Variants in ZFYVE16 observed in about 807,000 individuals in gnomAD.
The protein encoded by ZFYVE16 is zinc finger FYVE-type containing 16.
ZFYVE16 carries 89 observed loss-of-function variants against 138.1 expected under a neutral mutation model. The ratio of observed to expected loss-of-function variants is 0.64; its 90% CI spans 0.54 to 0.77. The LOEUF (loss-of-function observed/expected upper bound fraction) is 0.77, where lower values mean the gene tolerates loss of function less well. ZFYVE16 is among the 30% of genes least tolerant of loss of function. The pLI is 0.00. For missense variants in ZFYVE16, 1,793 were observed against 1,786.7 expected (o/e 1.00, Z -0.06); for synonymous variants, 596 against 618.3 (o/e 0.96, Z 0.53).
intron 17 of ZFYVE16, 41 bp downstream of exon 17, chr5:80,473,900 T>C: frequency 6.0e-6 from 9 of 1,509,316 alleles, no homozygotes; most frequent in Non-Finnish European, 8.2e-6. Context: ...TGTGTTTCAA[T>C]ATGATTTTTG....
intron 14 of ZFYVE16, among the ~76,000 whole-genome samples, chr5:80,458,635 A>T (rs1479350784): frequency 1.3e-5 from 2 of 152,200 alleles, no homozygotes; most frequent in Non-Finnish European, 2.9e-5. Context: ...ATTTGTTACC[A>T]ATCCTTAGGG....
chr5:80,468,624 A>T (rs1454829265), intron 15 of ZFYVE16, among the ~76,000 whole-genome samples: 2 of 152,020 alleles, frequency 1.3e-5, no homozygotes, highest in Non-Finnish European at 2.9e-5. Context: ...TGACTTTATG[A>T]TTTTTGGTTT....
At position 80,445,041 on chromosome 5, in the gene ZFYVE16, C is replaced by G. The variant is rs1345574046; in HGVS notation, c.2582-222C>G. Reference sequence around the variant, plus strand: ...CATTCCTTTTCATAGTATATGATTGCCAAGGCCACTCCTGCTCCCTTTGTA... The same window carrying G: ...CATTCCTTTTCATAGTATATGATTGGCAAGGCCACTCCTGCTCCCTTTGTA... On this transcript the variant is annotated intron_variant, in intron 6 of 18. Transcript: ENST00000505560. 2.0e-5 allele frequency among the ~76,000 whole-genome samples: 3 copies of G among 152,034 alleles called. No homozygotes were observed. The South Asian group carries it at 6.2e-4, about 32-fold the overall frequency.
chr5:80,455,844 T>C (rs1229956984), intron 12 of ZFYVE16, 70 bp downstream of exon 12: 1 of 1,281,186 alleles, frequency 7.8e-7, no homozygotes, highest in African/African-American at 1.6e-5. Flanking sequence ...GCAAAGTTTA[T>C]ACATTTATAT....
chr5:80,439,904 C>T (rs1162878829), intron 4 of ZFYVE16, 32 bp from the exon 5 acceptor site: 2 of 1,577,752 alleles, frequency 1.3e-6, no homozygotes, highest in South Asian at 2.3e-5. Flanking sequence ...ATTCTTGAAA[C>T]AAAGACAAAT....
intron 14 of ZFYVE16, among the ~76,000 whole-genome samples, chr5:80,458,802 A>G (rs1327904898): frequency 1.3e-5 from 2 of 152,372 alleles, no homozygotes. Context: ...TTAGGGCTCC[A>G]TAAAAACTGT....
At position 80,448,183 on chromosome 5, in the gene ZFYVE16, C is replaced by T; in HGVS notation, c.2882C>T (p.Thr961Ile). 6.2e-7 allele frequency: 1 copy of T among 1,613,950 alleles called. No homozygotes were observed. The highest frequency in any genetic ancestry group is 8.5e-7 in the Non-Finnish European group (1 of 1,179,944). The change falls in exon 8 of 19, where the codon ACT becomes ATT. Residue 961 changes from threonine (T) to isoleucine (I), a missense_variant. Transcript: ENST00000505560. ...SMNTGNEGLP[T>I]SGSFTLDDDV... ...AACACAGGAAATGAGGGGTTACCTA[C>T]TTCTGGTTCATTTACACTAGATGAT...
Position 80,449,667 on chromosome 5 carries a change from A to G in ZFYVE16, c.3180A>G (p.Thr1060=). ...LLEGESFHPV[T]FVLNANLLVN... ...AAGGTGAAAGCTTTCATCCTGTTACATTTGTCCTAAATGCTAATCTACTCG... is the reference window on the plus strand; with the variant it reads ...AAGGTGAAAGCTTTCATCCTGTTACGTTTGTCCTAAATGCTAATCTACTCG... Residue 1060 remains threonine (T), a synonymous_variant, in exon 9 of 19, where the codon ACA becomes ACG. Coordinates refer to ENST00000505560, the MANE Select transcript of ZFYVE16 (RefSeq NM_001284236.3). 6.2e-7 allele frequency: 1 copy of G among 1,609,842 alleles called. No individual in the cohort carries two copies. Among genetic ancestry groups the G allele is most frequent in the Non-Finnish European group, 8.5e-7 (1 of 1,178,064 alleles).
At chr5:80,413,938 A>G (rs2112150853) in intron 1 of ZFYVE16, among the ~76,000 whole-genome samples, 1 of 152,314 alleles carries the variant, frequency 6.6e-6, no homozygotes, top group Middle Eastern at 3.4e-3. Flanking sequence ...ACCTTTAAAC[A>G]CTGCATTTCA....
In ZFYVE16 at chr5:80,430,391, C is replaced by T. The variant is rs926258690; in HGVS notation, c.-40+2846C>T. On this transcript the variant is annotated intron_variant, in intron 2 of 18. Coordinates refer to ENST00000505560, the MANE Select transcript of ZFYVE16 (RefSeq NM_001284236.3). ...AAATAAAGATGTTCTTTGAAACCAA[C>T]GAGAACAAAGACACAACATACCAGA... 4.0e-5 allele frequency among the ~76,000 whole-genome samples: 6 copies of T among 151,344 alleles called. No homozygotes were observed. In the East Asian group the frequency reaches 5.8e-4, roughly 15 times the overall value.
At chr5:80,442,557 G>A (rs1750828165) in intron 5 of ZFYVE16, among the ~76,000 whole-genome samples, 1 of 152,202 alleles carries the variant, frequency 6.6e-6, no homozygotes, top group African/African-American at 2.4e-5. Context: ...AAGATTCTAA[G>A]CTGGAGGAAT....
Position 80,451,692 on chromosome 5 carries a change from T to A in ZFYVE16, c.3590T>A (p.Leu1197Ter). 1.2e-6 allele frequency: 2 copies of A among 1,613,632 alleles called. No individual in the cohort carries two copies. The highest frequency in any genetic ancestry group is 1.7e-6 in the Non-Finnish European group (2 of 1,179,832). Residue 1197 changes from leucine (L) to a stop codon, truncating the protein, a stop_gained, in exon 11 of 19, where the codon TTG becomes TAG. Coordinates refer to ENST00000505560, the MANE Select transcript of ZFYVE16 (RefSeq NM_001284236.3). LOFTEE classifies it high-confidence loss of function. ...KVFPMRLMLR[L>*]GAEYKAYPAP... Reference sequence around the variant, plus strand: ...TTTCCTATGCGTTTAATGTTGAGATTGGGTGCAGAATATAAAGGTAAGTTT... The same window carrying A: ...TTTCCTATGCGTTTAATGTTGAGATAGGGTGCAGAATATAAAGGTAAGTTT...
chr5:80,448,344 C>G lies in ZFYVE16; in HGVS notation c.3043C>G (p.Leu1015Val). Reference protein sequence around the residue: ...NKYVCNKISLLPNDEDSLPPL... With the variant: ...NKYVCNKISLVPNDEDSLPPL... ...GTATGTCTGCAATAAGATTAGTCTT[C>G]TACCTAATGATGAGGACAGTTTGCC... Residue 1015 changes from leucine to valine, a missense_variant, in exon 8 of 19, where the codon CTA becomes GTA. This residue lies in a region of ZFYVE16 where 1,295 missense variants were observed against 1,204.3 expected (regional missense o/e 1.08). Coordinates refer to ENST00000505560, the MANE Select transcript of ZFYVE16 (RefSeq NM_001284236.3). 1 of 1,604,738 alleles carries G rather than the reference C, an allele frequency of 6.2e-7. No individual in the cohort carries two copies. The highest frequency in any genetic ancestry group is 8.5e-7 in the Non-Finnish European group (1 of 1,177,130).
chr5:80,415,343 T>C (rs1050245132), intron 1 of ZFYVE16, among the ~76,000 whole-genome samples: 3 of 152,228 alleles, frequency 2.0e-5, no homozygotes, highest in Non-Finnish European at 2.9e-5. Context: ...ATTGATACTT[T>C]ATTAACTAAA....
chr5:80,438,378 G>A lies in ZFYVE16; in HGVS notation c.1693G>A (p.Asp565Asn), dbSNP rs768078870. Residue 565 changes from aspartate to asparagine, a missense_variant, in exon 4 of 19, where the codon GAT (aspartate) becomes AAT (asparagine). Physicochemically the swap from Asp to Asn is conservative, Grantham distance 23. Transcript: ENST00000505560. ...NDSKSQMNQIDMKGLDDGNIN... is the reference protein window; with the variant it reads ...NDSKSQMNQINMKGLDDGNIN... ...CTCTAAATCGCAAATGAATCAGATA[G>A]ATATGAAAGGCTTAGATGATGGAAA... 5 of 1,613,786 alleles carry A rather than the reference G, an allele frequency of 3.1e-6. No homozygotes were observed. The highest frequency in any genetic ancestry group is 4.2e-6 in the Non-Finnish European group (5 of 1,179,908).
intron 2 of ZFYVE16, 65 bp downstream of exon 2, chr5:80,427,610 C>CTTTTTTTTTTTTTTTTTTTTTTT: frequency 4.0e-5 from 2 of 50,008 alleles, no homozygotes; most frequent in Non-Finnish European, 4.1e-5. Flanking sequence ...CTGTCGTATG[C>CTTTTTTTTTTTTTTTTTTTTTTT]TTTTTTTTTT....
chr5:80,458,033 A>T (rs1056244354), intron 14 of ZFYVE16, among the ~76,000 whole-genome samples: 3 of 116,544 alleles, frequency 2.6e-5, no homozygotes, highest in African/African-American at 1.2e-4. Context: ...GACTACGTCT[A>T]AAAAAAAAAA....
intron 17 of ZFYVE16, 59 bp from the exon 18 acceptor site, chr5:80,474,604 T>A: frequency 1.4e-6 from 2 of 1,480,010 alleles, no homozygotes; most frequent in East Asian, 4.6e-5. Flanking sequence ...AAAGCAGCAA[T>A]TGTTGCATTT....
rs757834212 is a variant in ZFYVE16 at position 80,482,437 on chromosome 5, C to T, written c.*5060C>T. 2.0e-5 allele frequency: 3 copies of T among 151,942 alleles called. No homozygotes were observed. The highest frequency in any genetic ancestry group is 2.0e-4 in the Admixed American group (3 of 15,262). 9.4% of individuals were successfully genotyped at this position (151,942 alleles called of 1,614,324 possible). A position where few individuals can be genotyped will look rare whatever the true frequency, so the allele number is the denominator to read the frequency against. On this transcript the variant is annotated 3_prime_UTR_variant, in exon 19 of 19. Coordinates refer to ENST00000505560, the MANE Select transcript of ZFYVE16 (RefSeq NM_001284236.3). The stretch of plus-strand genomic sequence containing the variant: ...GATCTGTGGGACAATATGAAACAGT[C>T]TAATATTCATGTCTTAGGAGCCCAG...
Sources: allele counts gnomAD v4.1 joint callset (sites outside exome capture counted in the v4.1 genomes callset), GRCh38; gene constraint gnomAD v4.1.1; regional missense constraint gnomAD v4.1.1; transcripts MANE v1.5; gene names NCBI Gene and HGNC (gene_info 2026-07-23, HGNC 2026-07-21).